The following SKAP1 variants were observed in gnomAD, a reference collection of about 807,000 sequenced individuals.
SKAP1 encodes src kinase-associated phosphoprotein 1.
A neutral mutation model predicts 58.5 loss-of-function variants in SKAP1; 44 were observed. That is an observed-to-expected ratio of 0.75 (90% CI 0.59 to 0.97). The LOEUF (loss-of-function observed/expected upper bound fraction) is 0.97. Ranked by LOEUF, SKAP1 falls within the 50% of genes least tolerant of loss-of-function variation. The pLI, the probability that SKAP1 is intolerant of heterozygous loss-of-function variation, is 0.00. For missense variants in SKAP1, 390 were observed against 435.2 expected (o/e 0.90, Z 0.92); for synonymous variants, 127 against 149.7 (o/e 0.85, Z 1.11).
chr17:48,435,949 C>T, the SKAP1 span, among the ~76,000 whole-genome samples: 3 of 152,182 alleles, frequency 2.0e-5, no homozygotes, highest in African/African-American at 7.2e-5. Context: ...CTGATTATTT[C>T]GATGTAAGAA....
chr17:48,221,371 A>G (rs946269155), intron 4 of SKAP1, among the ~76,000 whole-genome samples: 10 of 152,208 alleles, frequency 6.6e-5, no homozygotes, highest in Non-Finnish European at 1.5e-4. Context: ...AAAACTATCA[A>G]AGTAGTTTGT....
rs111286378 is a variant in SKAP1, at chr17:48,326,475, G to A, written c.280+19430C>T. Among the ~76,000 whole-genome samples the A allele has an allele frequency of 4.0e-3, 611 of 152,282 alleles. 8 individuals are homozygous for A. Among genetic ancestry groups the A allele is most frequent in the African/African-American group, 0.014 (585 of 41,552 alleles). On this transcript the variant is annotated intron_variant, in intron 4 of 12. Coordinates refer to ENST00000336915, the MANE Select transcript of SKAP1 (RefSeq NM_003726.4). ...AATTGATTGGAAATAGCATGTACAA[G>A]GTTGTCTGTCATTGGAACACTTTTT...
At chr17:48,206,346 C>A (rs1381143389) in intron 4 of SKAP1, among the ~76,000 whole-genome samples, 1 of 152,070 alleles carries the variant, frequency 6.6e-6, no homozygotes, top group Non-Finnish European at 1.5e-5. Flanking sequence ...CATGTCCTCC[C>A]TGGCTATGCT....
At chr17:48,161,896 A>C (rs978906325) in intron 11 of SKAP1, among the ~76,000 whole-genome samples, 14 of 152,056 alleles carry the variant, frequency 9.2e-5, no homozygotes, top group African/African-American at 2.9e-4. Context: ...AGAAAGATTA[A>C]ATTTTGATTG....
At chr17:48,421,280 C>T (rs1224452510) in intron 1 of SKAP1, among the ~76,000 whole-genome samples, 1 of 148,616 alleles carries the variant, frequency 6.7e-6, no homozygotes, top group African/African-American at 2.5e-5. Flanking sequence ...GTTTTACACA[C>T]ACAAAATAGA....
At chr17:48,310,213 T>C (rs1277422038) in intron 4 of SKAP1, among the ~76,000 whole-genome samples, 1 of 152,222 alleles carries the variant, frequency 6.6e-6, no homozygotes, top group South Asian at 2.1e-4. Context: ...ATCAATTTGT[T>C]ATTTGCTACA....
At chr17:48,145,327 T>C (rs1332923414) in intron 11 of SKAP1, among the ~76,000 whole-genome samples, 2 of 151,392 alleles carry the variant, frequency 1.3e-5, no homozygotes, top group Non-Finnish European at 2.9e-5. Flanking sequence ...GAACCTGAAA[T>C]AGACGCAGCG....
chr17:48,179,905 C>T (rs144472360), intron 9 of SKAP1, 149 bp downstream of exon 9: 15 of 686,570 alleles, frequency 2.2e-5, no homozygotes, highest in East Asian at 1.4e-4. Flanking sequence ...ACCCACTTCC[C>T]TACAATCTCA....
intron 4 of SKAP1, among the ~76,000 whole-genome samples, chr17:48,260,468 T>C (rs1305173941): frequency 6.6e-6 from 1 of 152,194 alleles, no homozygotes; most frequent in Non-Finnish European, 1.5e-5. Context: ...ACCTGAATTG[T>C]CTTTCAAGGT....
intron 11 of SKAP1, among the ~76,000 whole-genome samples, chr17:48,144,911 A>G (rs570668850): frequency 6.6e-6 from 1 of 152,336 alleles, no homozygotes; most frequent in Admixed American, 6.5e-5. Context: ...CACATCTACA[A>G]GTGACTGTGT....
chr17:48,255,528 T>C (rs1037301853), intron 4 of SKAP1, among the ~76,000 whole-genome samples: 2 of 151,898 alleles, frequency 1.3e-5, no homozygotes, highest in Non-Finnish European at 2.9e-5. Context: ...TTGACCTTTC[T>C]CTATAATTAT....
intron 4 of SKAP1, among the ~76,000 whole-genome samples, chr17:48,269,552 T>G (rs1000384729): frequency 1.3e-5 from 2 of 152,226 alleles, no homozygotes; most frequent in Non-Finnish European, 2.9e-5. Flanking sequence ...GCCCAAATTA[T>G]TGTGCTCCAT....
At chr17:48,213,895 C>A (rs1385480288) in intron 4 of SKAP1, among the ~76,000 whole-genome samples, 1 of 152,188 alleles carries the variant, frequency 6.6e-6, no homozygotes. Flanking sequence ...CGGCTCAGCA[C>A]CTGCACAGCA....
intron 4 of SKAP1, among the ~76,000 whole-genome samples, chr17:48,235,565 TAAG>T (rs2065171017): frequency 6.6e-6 from 1 of 152,164 alleles, no homozygotes; most frequent in Non-Finnish European, 1.5e-5. Context: ...AGGTAACTGA[TAAG>T]TGGACAATAG....
At chr17:48,259,954 C>T (rs887929633) in intron 4 of SKAP1, among the ~76,000 whole-genome samples, 2 of 152,062 alleles carry the variant, frequency 1.3e-5, no homozygotes, top group Admixed American at 6.6e-5. Context: ...AGGAAGCTTC[C>T]TTAAAAACAA....
intron 4 of SKAP1, among the ~76,000 whole-genome samples, chr17:48,277,964 G>A (rs191565943): frequency 4.6e-5 from 7 of 152,180 alleles, no homozygotes; most frequent in Admixed American, 2.6e-4. Context: ...TCTATGATGT[G>A]GGAAACCATT....
intron 4 of SKAP1, among the ~76,000 whole-genome samples, chr17:48,221,382 TACTA>T (rs1183290026): frequency 3.9e-5 from 6 of 152,240 alleles, no homozygotes; most frequent in South Asian, 2.1e-4. Context: ...AGTAGTTTGT[TACTA>T]ACTAATGCCT....
chr17:48,228,193 CAA>C (rs1216475969), intron 4 of SKAP1, among the ~76,000 whole-genome samples: 8 of 151,582 alleles, frequency 5.3e-5, no homozygotes, highest in African/African-American at 1.9e-4. Context: ...GAGAGAAAGA[CAA>C]AGAGAGATAG....
At chr17:48,347,129 G>A (rs1318916437) in intron 3 of SKAP1, among the ~76,000 whole-genome samples, 1 of 152,150 alleles carries the variant, frequency 6.6e-6, no homozygotes, top group African/African-American at 2.4e-5. Context: ...CGGAAGAAAA[G>A]GCTCTGTATT....
Sources: allele counts gnomAD v4.1 joint callset (sites outside exome capture counted in the v4.1 genomes callset), GRCh38; gene constraint gnomAD v4.1.1; transcripts MANE v1.5; gene names NCBI Gene and HGNC (gene_info 2026-07-23, HGNC 2026-07-21).